Variants in EIF4E observed in about 807,000 individuals in gnomAD.
EIF4E encodes eIF-4F 25 kDa subunit.
For missense variants in EIF4E, 113 were observed against 265.6 expected (o/e 0.43, Z 3.99); for synonymous variants, 71 against 88.5 (o/e 0.80, Z 1.11).
At position 98,915,384 on chromosome 4, in the gene EIF4E, A is replaced by T. The variant is rs572336490; in HGVS notation, c.19-13402T>A. On this transcript the variant is annotated intron_variant, in intron 1 of 6. Coordinates refer to ENST00000450253, the MANE Select transcript of EIF4E (RefSeq NM_001968.5). ...GAACACCTAGTTGTTGAGATTACAG[A>T]TTATTTTTTCACAATGATCTAAATG... 3.3e-5 allele frequency among the ~76,000 whole-genome samples: 5 copies of T among 152,282 alleles called. No homozygotes were observed. In the South Asian group the frequency reaches 6.2e-4, roughly 19 times the overall value.
At chr4:98,922,915 T>C (rs867634191) in intron 1 of EIF4E, among the ~76,000 whole-genome samples, 2 of 149,840 alleles carry the variant, frequency 1.3e-5, no homozygotes, top group African/African-American at 4.9e-5. Flanking sequence ...ATGGCAGACA[T>C]AGGCTCACCG....
intron 1 of EIF4E, among the ~76,000 whole-genome samples, chr4:98,926,672 A>ATT (rs1164451162): frequency 6.6e-6 from 1 of 152,232 alleles, no homozygotes; most frequent in Non-Finnish European, 1.5e-5. Context: ...AAATTTAAAC[A>ATT]TAACATCCAA....
intron 1 of EIF4E, among the ~76,000 whole-genome samples, chr4:98,925,699 T>C (rs543720966): frequency 9.8e-5 from 15 of 152,320 alleles, no homozygotes; most frequent in Non-Finnish European, 2.1e-4. Context: ...CAGATACCTA[T>C]GCATGATGGG....
chr4:98,894,550 T>G (rs1025512298), intron 2 of EIF4E, among the ~76,000 whole-genome samples: 2 of 152,244 alleles, frequency 1.3e-5, no homozygotes, highest in South Asian at 4.1e-4. Context: ...AGCTTTCAAC[T>G]TTTATTCTGC....
At chr4:98,886,783 A>C (rs1466334940) in intron 5 of EIF4E, 1 of 383,796 alleles carries the variant, frequency 2.6e-6, no homozygotes, top group East Asian at 6.4e-5. Flanking sequence ...CAAAAACTTC[A>C]ATCATACAAA....
At chr4:98,896,881 A>T (rs1724433991) in intron 2 of EIF4E, among the ~76,000 whole-genome samples, 1 of 151,850 alleles carries the variant, frequency 6.6e-6, no homozygotes, top group Non-Finnish European at 1.5e-5. Context: ...TGGCTTGGGT[A>T]CGGAAGGTGA....
At position 98,887,878 on chromosome 4, in the gene EIF4E, A is replaced by G; in HGVS notation, c.285+11T>C. On this transcript the variant is annotated intron_variant, in intron 4 of 6. Transcript: ENST00000450253. This position sits in a 1 kb window ranked among gnomAD's most constrained non-coding sequence, Gnocchi z 4.0. ...CTATAATAAATATATAAAATCACCA[A>G]TTAAGCATACCTTAAAAAGTGAGTA... The G allele has an allele frequency of 6.2e-7, 1 of 1,611,060 alleles. No homozygotes were observed. Among genetic ancestry groups the G allele is most frequent in the Admixed American group, 1.7e-5 (1 of 59,934 alleles).
chr4:98,905,660 A>G (rs1724841710), intron 1 of EIF4E, among the ~76,000 whole-genome samples: 1 of 152,218 alleles, frequency 6.6e-6, no homozygotes, highest in Non-Finnish European at 1.5e-5. Flanking sequence ...AAGATAACCA[A>G]TTTGAGAGCA....
chr4:98,908,822 GAAGTCCTGGAA>G (rs546218118), intron 1 of EIF4E, among the ~76,000 whole-genome samples: 2 of 152,216 alleles, frequency 1.3e-5, no homozygotes, highest in Non-Finnish European at 2.9e-5. Context: ...AGACAAATCT[GAAGTCCTGGAA>G]AAGTAAACAT....
At chr4:98,928,604 A>T (rs760287896) in intron 1 of EIF4E, among the ~76,000 whole-genome samples, 1 of 151,956 alleles carries the variant, frequency 6.6e-6, no homozygotes, top group East Asian at 2.0e-4. Context: ...TCTAAGGAAG[A>T]CGTGCGCGCG....
chr4:98,892,335 A>C (rs6842347), intron 2 of EIF4E, among the ~76,000 whole-genome samples: 4,111 of 88,134 alleles, frequency 0.047, 213 homozygotes, highest in African/African-American at 0.15. Context: ...AAACAAAAAA[A>C]CAAACAAAAA....
intron 2 of EIF4E, among the ~76,000 whole-genome samples, chr4:98,898,115 AG>A (rs140736176): frequency 7.9e-5 from 12 of 151,500 alleles, no homozygotes; most frequent in Non-Finnish European, 5.9e-5. Context: ...CCTACGAAAA[AG>A]GGGGGGGAAA....
intron 1 of EIF4E, among the ~76,000 whole-genome samples, chr4:98,915,669 T>C (rs1259438309): frequency 6.6e-6 from 1 of 151,716 alleles, no homozygotes; most frequent in African/African-American, 2.4e-5. Flanking sequence ...ACCTCCCAAG[T>C]AGCTGGGATT....
chr4:98,886,772 G>A (rs908123452), intron 5 of EIF4E: 1 of 374,772 alleles, frequency 2.7e-6, no homozygotes, highest in African/African-American at 2.1e-5. Context: ...TAAGAGGGTT[G>A]CAAAAACTTC....
In EIF4E at chr4:98,929,113, C is replaced by T. The variant is rs757322511; in HGVS notation, c.-1G>A. The T allele has an allele frequency of 7.6e-6, 12 of 1,576,328 alleles. No individual in the cohort carries two copies. Among genetic ancestry groups the T allele is most frequent in the Non-Finnish European group, 1.0e-5 (12 of 1,160,676 alleles). ...TACTCACCGGTTCGACAGTCGCCAT[C>T]TTAGATCGATCTGATCGCACAACCG... is the stretch of plus-strand genomic sequence containing the variant. On this transcript the variant is annotated 5_prime_UTR_variant, in exon 1 of 7. Transcript: ENST00000450253.
chr4:98,914,805 C>T (rs1277690723), intron 1 of EIF4E, among the ~76,000 whole-genome samples: 1 of 152,134 alleles, frequency 6.6e-6, no homozygotes, highest in Non-Finnish European at 1.5e-5. Flanking sequence ...AATTTAGGTT[C>T]ATCAATTCTA....
At chr4:98,901,443 CCCGCCTCCGCCT>C (rs370074056) in intron 2 of EIF4E, among the ~76,000 whole-genome samples, 17 of 152,008 alleles carry the variant, frequency 1.1e-4, no homozygotes, top group Admixed American at 3.3e-4. Context: ...AGGTGATCCG[CCCGCCTCCGCCT>C]CCGCCTCCGC....
At chr4:98,908,733 A>T (rs1259087977) in intron 1 of EIF4E, among the ~76,000 whole-genome samples, 1 of 152,234 alleles carries the variant, frequency 6.6e-6, no homozygotes, top group Admixed American at 6.5e-5. Context: ...CATACATATT[A>T]TCTCAACATA....
rs1723578409 is a variant in EIF4E at position 98,879,329 on chromosome 4, T to C, written c.*1699A>G. The C allele has an allele frequency of 6.6e-6, 1 of 152,130 alleles. No individual in the cohort carries two copies. Among genetic ancestry groups the C allele is most frequent in the Non-Finnish European group, 1.5e-5 (1 of 68,000 alleles). The allele number at this position is 152,130 out of a possible 1,614,324, so 9.4% of individuals were successfully genotyped here. On this transcript the variant is annotated 3_prime_UTR_variant, in exon 7 of 7. Transcript: ENST00000450253. The stretch of plus-strand genomic sequence containing the variant: ...AGGGTTTTTGTCAAGTTTATCAGTT[T>C]TAAAATGATTAAGTCATAATCACCA...
Sources: gnomAD v4.1 joint callset for allele counts (sites outside exome capture counted in the v4.1 genomes callset) on GRCh38, gnomAD v4.1.1 for gene constraint, Gnocchi (gnomAD v3.1) non-coding constraint, MANE v1.5 for transcripts, NCBI Gene and HGNC (gene_info 2026-07-23, HGNC 2026-07-21) for gene names.